The following ADRA1B variants were observed in gnomAD, a reference collection of about 807,000 sequenced individuals.
ADRA1B encodes the protein adrenoceptor alpha 1B.
In ADRA1B, 17 loss-of-function variants were observed where a neutral mutation model predicts 17.9. That is an observed-to-expected ratio of 0.95 (90% CI 0.65 to 1.42). The LOEUF is 1.42. Among genes scored for constraint, ADRA1B ranks in the 40% most tolerant of loss-of-function variants. The probability of loss-of-function intolerance (pLI) is 0.00; values close to 1 mark genes in which losing one functional copy is unlikely to be tolerated. For missense variants in ADRA1B, 681 were observed against 722.1 expected, an observed-to-expected ratio of 0.94 and a Z score of 0.65; for synonymous variants, 366 against 327.6, an observed-to-expected ratio of 1.12 and a Z score of -1.27.
intron 1 of ADRA1B, among the ~76,000 whole-genome samples, chr5:159,926,305 C>G (rs1461862674): frequency 6.6e-6 from 1 of 152,092 alleles, no homozygotes; most frequent in Non-Finnish European, 1.5e-5. Context: ...CACCCTTTTC[C>G]CCATCAGTAA....
chr5:159,917,312 T>A lies in ADRA1B; in HGVS notation c.407T>A (p.Leu136Gln). The A allele has an allele frequency of 6.2e-7, 1 of 1,614,080 alleles. No homozygotes were observed. The highest frequency in any genetic ancestry group is 8.5e-7 in the Non-Finnish European group (1 of 1,180,008). ...VLCCTASILS[L>Q]CAISIDRYIG... is the part of the protein sequence containing the mutation. ...TGCTGCACAGCGTCCATTCTGAGCC[T>A]GTGCGCCATCTCCATCGATCGCTAC... Residue 136 changes from leucine to glutamine, a missense_variant, in exon 1 of 2, where the codon CTG (leucine) becomes CAG (glutamine). Leu to Gln is a moderately radical substitution (Grantham distance 113, BLOSUM62 -2). This residue lies in a region of ADRA1B where 424 missense variants were observed against 480.2 expected (regional missense o/e 0.88). Transcript: ENST00000306675.
chr5:159,914,066 A>G (rs1366451603), upstream of ADRA1B, among the ~76,000 whole-genome samples: 1 of 152,070 alleles, frequency 6.6e-6, no homozygotes, highest in Non-Finnish European at 1.5e-5. Context: ...TCTCACCCCT[A>G]CCCTGGAAGA....
Position 159,917,100 on chromosome 5 carries a change from A to G in ADRA1B, c.195A>G (p.Leu65=). 1 of 1,613,962 alleles carries G rather than the reference A, an allele frequency of 6.2e-7. No homozygotes were observed. Among genetic ancestry groups the G allele is most frequent in the Non-Finnish European group, 8.5e-7 (1 of 1,179,972 alleles). The change falls in exon 1 of 2, where the codon CTA becomes CTG. Residue 65 remains leucine, a synonymous_variant. Transcript: ENST00000306675. The stretch of plus-strand genomic sequence containing the variant: ...TCTTTGCCATCGTGGGCAACATCCT[A>G]GTCATCTTGTCTGTGGCCTGCAACC... ...FILFAIVGNI[L]VILSVACNRH... is the part of the protein sequence containing the mutation.
chr5:159,897,883 T>C (rs1001040595), intron 1 of ADRA1B, among the ~76,000 whole-genome samples: 1 of 152,206 alleles, frequency 6.6e-6, no homozygotes, highest in Non-Finnish European at 1.5e-5. Flanking sequence ...AAAGGCCCGA[T>C]GGCAGAGTAA....
chr5:159,957,338 T>C (rs1465181373), intron 1 of ADRA1B, among the ~76,000 whole-genome samples: 2 of 151,696 alleles, frequency 1.3e-5, no homozygotes, highest in Non-Finnish European at 2.9e-5. Flanking sequence ...ACTCTGTCTC[T>C]ACCAAAAAAA....
chr5:159,977,560 C>T (rs1043614209), downstream of ADRA1B, among the ~76,000 whole-genome samples: 4 of 152,196 alleles, frequency 2.6e-5, no homozygotes, highest in Non-Finnish European at 4.4e-5. Context: ...CATCCTTCCA[C>T]GGTTTTCCCA....
At chr5:159,950,426 G>T (rs75522659) in intron 1 of ADRA1B, 4 of 780,150 alleles carry the variant, frequency 5.1e-6, no homozygotes, top group South Asian at 2.8e-5. Context: ...GTGTGGCAGG[G>T]ACTCCCCATC....
chr5:159,963,287 A>ACTATATATATATATATATAT (rs1755710789), intron 1 of ADRA1B, among the ~76,000 whole-genome samples: 1 of 89,942 alleles, frequency 1.1e-5, no homozygotes. Context: ...AAACAAAAAA[A>ACTATATATATATATATATAT]GTATATATAT....
chr5:159,957,304 G>A (rs1221589724), intron 1 of ADRA1B, among the ~76,000 whole-genome samples: 2 of 151,968 alleles, frequency 1.3e-5, no homozygotes, highest in Non-Finnish European at 1.5e-5. Flanking sequence ...AGGAGTTTGA[G>A]ACCAGCTGGG....
At chr5:159,984,597 C>A in the ADRA1B span, among the ~76,000 whole-genome samples, 1 of 152,088 alleles carries the variant, frequency 6.6e-6, no homozygotes, top group Admixed American at 6.5e-5. Context: ...CCAGAATGAT[C>A]TCTTTGAAAA....
rs552601158 is a variant in ADRA1B at position 159,972,102 on chromosome 5, G to A, written c.1173G>A (p.Trp391Ter). 2.3e-6 allele frequency: 3 copies of A among 1,294,674 alleles called. No individual in the cohort carries two copies. The East Asian group carries it at 1.0e-4, about 43-fold the overall frequency. 80.2% of individuals were successfully genotyped at this position (1,294,674 alleles called of 1,614,324 possible). ...LGGCAYTYRP[W>*]TRGGSLERSQ... Reference sequence around the variant, plus strand: ...GCTGCGCCTACACCTACCGGCCGTGGACGCGCGGCGGCTCGCTGGAGCGCT... The same window carrying A: ...GCTGCGCCTACACCTACCGGCCGTGAACGCGCGGCGGCTCGCTGGAGCGCT... The change falls in exon 2 of 2, where the codon TGG (tryptophan) becomes TGA (stop). Residue 391 changes from tryptophan (W) to a stop codon, truncating the protein, a stop_gained. Transcript: ENST00000306675. LOFTEE classifies it low-confidence loss of function (END_TRUNC).
chr5:159,878,799 C>T, intron 1 of ADRA1B, among the ~76,000 whole-genome samples: 1 of 152,312 alleles, frequency 6.6e-6, no homozygotes, highest in East Asian at 1.9e-4. Flanking sequence ...AGAACCAGAA[C>T]TGTGGGGTCT....
chr5:159,910,070 G>A (rs1163664505), intron 1 of ADRA1B, among the ~76,000 whole-genome samples: 6 of 152,022 alleles, frequency 3.9e-5, no homozygotes, highest in African/African-American at 4.8e-5. Context: ...ATACATATAC[G>A]CACACACATA....
intron 1 of ADRA1B, among the ~76,000 whole-genome samples, chr5:159,890,337 C>G (rs1277531818): frequency 6.6e-6 from 1 of 152,168 alleles, no homozygotes; most frequent in Non-Finnish European, 1.5e-5. Flanking sequence ...GGATACTTGC[C>G]CTGCTCCTCC....
chr5:159,881,821 C>T (rs1044709675), intron 1 of ADRA1B, among the ~76,000 whole-genome samples: 3 of 152,046 alleles, frequency 2.0e-5, no homozygotes, highest in Non-Finnish European at 2.9e-5. Context: ...CTAGGATTTC[C>T]GGGCATGGGC....
chr5:159,936,521 A>G (rs1754959280), intron 1 of ADRA1B, among the ~76,000 whole-genome samples: 1 of 152,186 alleles, frequency 6.6e-6, no homozygotes, highest in African/African-American at 2.4e-5. Flanking sequence ...TCAAAATGAT[A>G]AGCCTATTAA....
At chr5:159,983,265 C>T in the ADRA1B span, among the ~76,000 whole-genome samples, 1 of 152,168 alleles carries the variant, frequency 6.6e-6, no homozygotes, top group Non-Finnish European at 1.5e-5. Flanking sequence ...CCCCAAGGGC[C>T]AGCTAGTCCA....
chr5:159,935,738 G>T (rs572687081), intron 1 of ADRA1B, among the ~76,000 whole-genome samples: 2 of 152,210 alleles, frequency 1.3e-5, no homozygotes, highest in East Asian at 1.9e-4. Context: ...GTAGAGACAG[G>T]GTTTCGCCAT....
chr5:159,939,322 T>TGTGTGTGCGCGCGC (rs1554090928), intron 1 of ADRA1B, among the ~76,000 whole-genome samples: 1 of 107,604 alleles, frequency 9.3e-6, no homozygotes, highest in African/African-American at 3.5e-5. Context: ...TGTGTGTGTG[T>TGTGTGTGCGCGCGC]GCGCGCGCGC....
Sources: gnomAD v4.1 joint callset for allele counts (sites outside exome capture counted in the v4.1 genomes callset) on GRCh38, gnomAD v4.1.1 for gene constraint, gnomAD v4.1.1 regional missense constraint, MANE v1.5 for transcripts, NCBI Gene and HGNC (gene_info 2026-07-23, HGNC 2026-07-21) for gene names.